The following CDH1 variants were observed in gnomAD, a reference collection of about 807,000 sequenced individuals.
The protein encoded by CDH1 is cadherin 1.
CDH1 carries 35 observed loss-of-function variants against 84.5 expected under a neutral mutation model. The observed-to-expected ratio is 0.41, with a 90% CI of 0.32 to 0.55. The LOEUF (loss-of-function observed/expected upper bound fraction) is 0.55, where lower values mean the gene tolerates loss of function less well. Among genes scored for constraint, CDH1 ranks in the 20% least tolerant of loss-of-function variants. The probability of loss-of-function intolerance (pLI) is 0.19; values close to 1 mark genes in which losing one functional copy is unlikely to be tolerated. For synonymous variants in CDH1, 417 were observed against 439.0 expected, an observed-to-expected ratio of 0.95 and a Z score of 0.63; for missense variants, 994 against 1,126.6, an observed-to-expected ratio of 0.88 and a Z score of 1.68.
rs968263431 is a variant in CDH1 at position 68,834,064 on chromosome 16, C to CT, written c.*567dup. The CT allele has an allele frequency of 2.6e-6, 1 of 381,978 alleles. No individual in the cohort carries two copies. Among genetic ancestry groups the CT allele is most frequent in the African/African-American group, 2.1e-5 (1 of 47,886 alleles). 23.7% of individuals were successfully genotyped at this position (381,978 alleles called of 1,614,324 possible). ...CTTGTCCTCCCAGGCTCAAGCTATC[C>CT]TTGCACCTCAGCCTCCCAAGTAGCT... On this transcript the variant is annotated 3_prime_UTR_variant, in exon 16 of 16. Transcript: ENST00000261769.
intron 2 of CDH1, among the ~76,000 whole-genome samples, chr16:68,781,526 A>T (rs1246967378): frequency 1.3e-5 from 2 of 152,020 alleles, no homozygotes; most frequent in African/African-American, 4.8e-5. Flanking sequence ...TTTTTTAGAG[A>T]TGGGGTCTTG....
chr16:68,802,177 T>A (rs1230866127), intron 3 of CDH1, among the ~76,000 whole-genome samples: 2 of 152,214 alleles, frequency 1.3e-5, no homozygotes, highest in Non-Finnish European at 2.9e-5. Context: ...AACTGAATAA[T>A]TCTTGCTGGA....
chr16:68,834,491 G>A lies in CDH1; in HGVS notation c.*992G>A. 3.4e-6 allele frequency: 1 copy of A among 298,008 alleles called. No individual in the cohort carries two copies. The highest frequency in any genetic ancestry group is 4.8e-5 in the South Asian group (1 of 20,872). The allele number at this position is 298,008 out of a possible 1,614,324, so 18.5% of individuals were successfully genotyped here. ...CTTGGCCCCCCAAAGTGCTGGGATT[G>A]TGGGCATGAGCTGCTGTGCCCAGCC... On this transcript the variant is annotated 3_prime_UTR_variant, in exon 16 of 16. Transcript: ENST00000261769.
intron 2 of CDH1, among the ~76,000 whole-genome samples, chr16:68,760,289 A>G (rs1259683340): frequency 1.9e-5 from 1 of 53,658 alleles, no homozygotes; most frequent in Non-Finnish European, 4.4e-5. Context: ...TTTTTTTTGC[A>G]TTTTTAGTAG....
rs1187560965 is a variant in CDH1 at position 68,833,832 on chromosome 16, G to T, written c.*333G>T. ...CCCAGCACCTTGCAGATTTTCTTAA[G>T]GAATTTTGTCTCACTTTTAAAAAGA... On this transcript the variant is annotated 3_prime_UTR_variant, in exon 16 of 16. Coordinates refer to ENST00000261769, the MANE Select transcript of CDH1 (RefSeq NM_004360.5). 2.6e-6 allele frequency: 1 copy of T among 389,164 alleles called. No individual in the cohort carries two copies. Among genetic ancestry groups the T allele is most frequent in the African/African-American group, 2.0e-5 (1 of 49,274 alleles). 24.1% of individuals were successfully genotyped at this position (389,164 alleles called of 1,614,324 possible).
chr16:68,827,029 G>C (rs2152140893), intron 13 of CDH1, among the ~76,000 whole-genome samples: 1 of 152,274 alleles, frequency 6.6e-6, no homozygotes, highest in Non-Finnish European at 1.5e-5. Flanking sequence ...TCAGCACTTT[G>C]GGAGGCCCAG....
chr16:68,833,737 T>G lies in CDH1; in HGVS notation c.*238T>G, dbSNP rs1961559852. On this transcript the variant is annotated 3_prime_UTR_variant, in exon 16 of 16. Coordinates refer to ENST00000261769, the MANE Select transcript of CDH1 (RefSeq NM_004360.5). ...TTTTTTTTTCCCATCACTCTTTACA[T>G]GGTGGTGATGTCCAAAAGATACCCA... 1.9e-6 allele frequency: 1 copy of G among 532,852 alleles called. No homozygotes were observed. Among genetic ancestry groups the G allele is most frequent in the South Asian group, 2.1e-5 (1 of 47,862 alleles). The allele number at this position is 532,852 out of a possible 1,614,324, so 33.0% of individuals were successfully genotyped here. A position where few individuals can be genotyped will look rare whatever the true frequency, so the allele number is the denominator to read the frequency against.
intron 2 of CDH1, among the ~76,000 whole-genome samples, chr16:68,782,773 C>T (rs138812708): frequency 1.3e-5 from 2 of 152,240 alleles, no homozygotes; most frequent in Non-Finnish European, 2.9e-5. Flanking sequence ...ACAGTGAGCC[C>T]GTTTCCTGCC....
chr16:68,746,809 C>T (rs1772917269), intron 2 of CDH1, among the ~76,000 whole-genome samples: 1 of 151,970 alleles, frequency 6.6e-6, no homozygotes, highest in Non-Finnish European at 1.5e-5. Context: ...GCTAGCCGGG[C>T]GTGGTGGTGC....
intron 2 of CDH1, among the ~76,000 whole-genome samples, chr16:68,792,994 A>C (rs555258068): frequency 1.3e-5 from 2 of 152,304 alleles, no homozygotes; most frequent in African/African-American, 4.8e-5. Context: ...GGACGTTAGA[A>C]GGAACTTGAT....
At position 68,829,825 on chromosome 16, in the gene CDH1, C is replaced by T. The variant is rs763693993; in HGVS notation, c.2439+28C>T. 3.1e-6 allele frequency: 5 copies of T among 1,607,974 alleles called. No homozygotes were observed. In the Admixed American group the frequency reaches 6.7e-5, roughly 21 times the overall value. On this transcript the variant is annotated intron_variant, in intron 15 of 15. Coordinates refer to ENST00000261769, the MANE Select transcript of CDH1 (RefSeq NM_004360.5). ...AAGTAATCCACGTGGAAAGCCAAAGCATGGCTCATCTCTAAGCTCAGGAGG... is the reference window on the plus strand; with the variant it reads ...AAGTAATCCACGTGGAAAGCCAAAGTATGGCTCATCTCTAAGCTCAGGAGG...
chr16:68,820,971 T>C (rs1341528908), intron 11 of CDH1, among the ~76,000 whole-genome samples: 3 of 152,186 alleles, frequency 2.0e-5, no homozygotes, highest in Non-Finnish European at 4.4e-5. Context: ...CGTGTGCTCA[T>C]TGTTAAAAAA....
intron 2 of CDH1, among the ~76,000 whole-genome samples, chr16:68,755,397 T>G (rs929168222): frequency 6.6e-6 from 1 of 152,112 alleles, no homozygotes; most frequent in African/African-American, 2.4e-5. Context: ...CAGGCATTTT[T>G]CTTTTAATTT....
At chr16:68,771,750 C>CA (rs34703363) in intron 2 of CDH1, among the ~76,000 whole-genome samples, 39,146 of 140,406 alleles carry the variant, frequency 0.28, 5,399 homozygotes, top group Middle Eastern at 0.32. Flanking sequence ...GACTCCCTCT[C>CA]AAAAAAAAAA....
rs555202424 is a variant in CDH1 at position 68,738,964 on chromosome 16, T to TTTTTAA, written c.163+553_163+554insTTTTAA. Reference sequence around the variant, plus strand: ...TTTTTTTTTTTTTTTTTTTTTTTTTTAAAGACAGGGTCTTGCTCTGTTGCC... The same window carrying TTTTTAA: ...TTTTTTTTTTTTTTTTTTTTTTTTTTTTTTAAAAAGACAGGGTCTTGCTCTGTTGCC... On this transcript the variant is annotated intron_variant, in intron 2 of 15. Coordinates refer to ENST00000261769, the MANE Select transcript of CDH1 (RefSeq NM_004360.5). 3.1e-5 allele frequency among the ~76,000 whole-genome samples: 2 copies of TTTTTAA among 65,364 alleles called. 1 individual carries two copies. Among genetic ancestry groups the TTTTTAA allele is most frequent in the Non-Finnish European group, 5.6e-5 (2 of 35,546 alleles). The allele number at this position is 65,364 out of a possible 152,430, so 42.9% of individuals were successfully genotyped here.
At position 68,812,283 on chromosome 16, in the gene CDH1, G is replaced by C. The variant is rs34210985; in HGVS notation, c.1137+20G>C. 2 of 1,613,644 alleles carry C rather than the reference G, an allele frequency of 1.2e-6. No individual in the cohort carries two copies. The highest frequency in any genetic ancestry group is 8.5e-7 in the Non-Finnish European group (1 of 1,179,690). ...ACCACGGTAATTCTATAACTCCTTA[G>C]AGGGTTTCCAAAGAAAGGTCTTTTG... On this transcript the variant is annotated intron_variant, in intron 8 of 15. Coordinates refer to ENST00000261769, the MANE Select transcript of CDH1 (RefSeq NM_004360.5).
chr16:68,758,910 C>A (rs1417854446), intron 2 of CDH1, among the ~76,000 whole-genome samples: 1 of 151,904 alleles, frequency 6.6e-6, no homozygotes, highest in Non-Finnish European at 1.5e-5. Flanking sequence ...ATTCTCCTGC[C>A]TCAGCCTTCT....
At chr16:68,789,978 C>A (rs914619068) in intron 2 of CDH1, among the ~76,000 whole-genome samples, 1 of 152,196 alleles carries the variant, frequency 6.6e-6, no homozygotes, top group Non-Finnish European at 1.5e-5. Context: ...ATCACTTGAA[C>A]CCGGGAGGCA....
intron 2 of CDH1, among the ~76,000 whole-genome samples, chr16:68,739,915 A>G (rs1181146725): frequency 6.6e-6 from 1 of 152,200 alleles, no homozygotes; most frequent in African/African-American, 2.4e-5. Context: ...ACGCCTGGCC[A>G]GGAATAATGA....
Sources: gnomAD v4.1 joint callset for allele counts (sites outside exome capture counted in the v4.1 genomes callset) on GRCh38, gnomAD v4.1.1 for gene constraint, MANE v1.5 for transcripts, NCBI Gene and HGNC (gene_info 2026-07-23, HGNC 2026-07-21) for gene names.